INPP4B: variants seen among roughly 807,000 people sequenced by gnomAD.
INPP4B encodes the protein inositol polyphosphate 4-phosphatase type II.
INPP4B carries 55 observed loss-of-function variants against 122.5 expected under a neutral mutation model. That is an observed-to-expected ratio of 0.45 (90% CI 0.36 to 0.56). The LOEUF is 0.56. Ranked by LOEUF, INPP4B falls within the 20% of genes least tolerant of loss-of-function variation. INPP4B has a pLI of 0.00. For synonymous variants in INPP4B, 403 were observed against 388.7 expected, an observed-to-expected ratio of 1.04 and a Z score of -0.43; for missense variants, 1,000 against 1,097.7, an observed-to-expected ratio of 0.91 and a Z score of 1.26.
At chr4:142,766,287 T>C (rs547372895) in intron 1 of INPP4B, among the ~76,000 whole-genome samples, 1 of 152,250 alleles carries the variant, frequency 6.6e-6, no homozygotes, top group African/African-American at 2.4e-5. Flanking sequence ...TAAATGTTTG[T>C]TTCTTCTCAC....
chr4:142,527,230 T>C (rs1253335773), intron 2 of INPP4B, among the ~76,000 whole-genome samples: 1 of 151,104 alleles, frequency 6.6e-6, no homozygotes, highest in Non-Finnish European at 1.5e-5. Context: ...TTATTAATTA[T>C]GCCAATATTA....
intron 2 of INPP4B, among the ~76,000 whole-genome samples, chr4:142,716,838 G>A (rs911741207): frequency 1.3e-5 from 2 of 152,156 alleles, no homozygotes; most frequent in African/African-American, 2.4e-5. Flanking sequence ...AGTAATTTGT[G>A]TCAGTTCTGA....
chr4:142,703,647 A>G (rs1762090418), intron 2 of INPP4B, among the ~76,000 whole-genome samples: 1 of 152,194 alleles, frequency 6.6e-6, no homozygotes, highest in Admixed American at 6.5e-5. Flanking sequence ...TTACTACAGC[A>G]TGTCTCATCG....
At chr4:142,418,648 C>T (rs1806244501) in intron 5 of INPP4B, among the ~76,000 whole-genome samples, 1 of 152,022 alleles carries the variant, frequency 6.6e-6, no homozygotes, top group Non-Finnish European at 1.5e-5. Context: ...AGTATGAAGA[C>T]CCAAACATCT....
At chr4:142,078,100 G>A (rs1224627473) in intron 25 of INPP4B, among the ~76,000 whole-genome samples, 1 of 151,814 alleles carries the variant, frequency 6.6e-6, no homozygotes, top group South Asian at 2.1e-4. Flanking sequence ...CTAATCTGAA[G>A]AGGCATTTAT....
chr4:142,157,521 G>A (rs1407588106), intron 17 of INPP4B, among the ~76,000 whole-genome samples: 1 of 152,120 alleles, frequency 6.6e-6, no homozygotes, highest in Non-Finnish European at 1.5e-5. Flanking sequence ...CAGAAACAAT[G>A]AGTTCAGAAG....
intron 17 of INPP4B, 69 bp from the exon 18 acceptor site, chr4:142,146,065 C>T: frequency 1.3e-6 from 2 of 1,535,114 alleles, no homozygotes; most frequent in Non-Finnish European, 1.8e-6. Flanking sequence ...TCGGATAAAT[C>T]TATTTTAGAG....
chr4:142,303,452 T>C (rs1762250468), intron 9 of INPP4B, among the ~76,000 whole-genome samples: 1 of 152,098 alleles, frequency 6.6e-6, no homozygotes, highest in Admixed American at 6.6e-5. Context: ...AAAGGAATAT[T>C]TTAAAATACA....
At chr4:142,691,124 G>GC (rs1760111145) in intron 2 of INPP4B, among the ~76,000 whole-genome samples, 1 of 151,962 alleles carries the variant, frequency 6.6e-6, no homozygotes, top group African/African-American at 2.4e-5. Flanking sequence ...GCGCATCTCA[G>GC]CCCCCCAATG....
intron 7 of INPP4B, among the ~76,000 whole-genome samples, chr4:142,394,494 T>A (rs1579941543): frequency 6.6e-6 from 1 of 152,336 alleles, no homozygotes; most frequent in Admixed American, 6.5e-5. Flanking sequence ...ATTTTTGTCT[T>A]TTTGACAATA....
At chr4:142,456,783 G>A (rs1365979039) in intron 3 of INPP4B, among the ~76,000 whole-genome samples, 1 of 152,004 alleles carries the variant, frequency 6.6e-6, no homozygotes, top group African/African-American at 2.4e-5. Context: ...ATCTATAGAT[G>A]ATTGAATATA....
intron 12 of INPP4B, among the ~76,000 whole-genome samples, chr4:142,218,346 C>T (rs1848140045): frequency 6.6e-6 from 1 of 152,130 alleles, no homozygotes; most frequent in Non-Finnish European, 1.5e-5. Flanking sequence ...CTCTTTAGTT[C>T]TGAGGCCAAC....
intron 3 of INPP4B, among the ~76,000 whole-genome samples, chr4:142,438,036 T>C (rs1349027986): frequency 1.3e-5 from 2 of 152,092 alleles, no homozygotes; most frequent in African/African-American, 4.8e-5. Context: ...AAACCACTGC[T>C]CAAGGTAATA....
At chr4:142,143,848 G>A (rs183248410) in intron 18 of INPP4B, among the ~76,000 whole-genome samples, 28 of 152,028 alleles carry the variant, frequency 1.8e-4, no homozygotes, top group African/African-American at 2.6e-4. Context: ...TATAATACGC[G>A]TTCTGGAGAA....
intron 25 of INPP4B, among the ~76,000 whole-genome samples, chr4:142,069,184 A>C (rs1391627647): frequency 6.6e-6 from 1 of 152,182 alleles, no homozygotes; most frequent in East Asian, 1.9e-4. Context: ...AAACTCACTC[A>C]AAACCGCTCA....
At chr4:142,236,637 CCA>C (rs1180195907) in intron 12 of INPP4B, among the ~76,000 whole-genome samples, 1 of 152,068 alleles carries the variant, frequency 6.6e-6, no homozygotes, top group African/African-American at 2.4e-5. Context: ...TTTTAATAAT[CCA>C]GTTTCCTGTC....
intron 15 of INPP4B, among the ~76,000 whole-genome samples, chr4:142,187,960 A>G (rs1833898635): frequency 6.6e-6 from 1 of 152,118 alleles, no homozygotes; most frequent in Admixed American, 6.5e-5. Flanking sequence ...AATTTTTAAC[A>G]GAAAAAAATA....
At chr4:142,845,984 G>A (rs890678097) in intron 1 of INPP4B, among the ~76,000 whole-genome samples, 4 of 152,204 alleles carry the variant, frequency 2.6e-5, no homozygotes, top group East Asian at 2.0e-4. Context: ...GGGTACCCCA[G>A]CAGCCGAGGA....
At chr4:142,532,219 C>G (rs906768469) in intron 2 of INPP4B, among the ~76,000 whole-genome samples, 1 of 152,188 alleles carries the variant, frequency 6.6e-6, no homozygotes, top group African/African-American at 2.4e-5. Context: ...TGAGGGCCTG[C>G]ATATGCCTGC....
Sources: allele counts gnomAD v4.1 joint callset (sites outside exome capture counted in the v4.1 genomes callset), GRCh38; gene constraint gnomAD v4.1.1; transcripts MANE v1.5; gene names NCBI Gene and HGNC (gene_info 2026-07-23, HGNC 2026-07-21).